GOLIM4: variants seen among roughly 807,000 people sequenced by gnomAD.
The protein encoded by GOLIM4 is golgi integral membrane protein 4.
GOLIM4 carries 71 observed loss-of-function variants against 107.4 expected under a neutral mutation model. That is an observed-to-expected ratio of 0.66 (90% CI 0.55 to 0.81). The LOEUF (loss-of-function observed/expected upper bound fraction) is 0.81. GOLIM4 is among the 30% of genes least tolerant of loss of function. The pLI is 0.00. For synonymous variants in GOLIM4, 327 were observed against 294.8 expected (o/e 1.11, Z -1.12); for missense variants, 830 against 826.1 (o/e 1.00, Z -0.06).
chr3:168,025,601 C>T (rs772349476), intron 12 of GOLIM4, among the ~76,000 whole-genome samples: 19 of 151,940 alleles, frequency 1.3e-4, no homozygotes, highest in Non-Finnish European at 1.6e-4. Context: ...AAAAAGGATA[C>T]GAAAAGGAGA....
At chr3:168,044,734 TA>T in intron 4 of GOLIM4, 93 bp downstream of exon 4, 1 of 725,996 alleles carries the variant, frequency 1.4e-6, no homozygotes, top group Non-Finnish European at 2.3e-6. Flanking sequence ...TCAACTTCTG[TA>T]AACTTTCTTT....
chr3:168,011,687 C>G (rs1157051195), intron 14 of GOLIM4, among the ~76,000 whole-genome samples: 1 of 147,534 alleles, frequency 6.8e-6, no homozygotes, highest in African/African-American at 2.7e-5. Flanking sequence ...CAGCACGCAG[C>G]TGGAGATCTG....
intron 10 of GOLIM4, 59 bp downstream of exon 10, chr3:168,029,721 T>A: frequency 6.3e-7 from 1 of 1,581,024 alleles, no homozygotes; most frequent in East Asian, 2.2e-5. Context: ...CTGTTTTTAA[T>A]TTGCGTATGA....
At position 168,027,730 on chromosome 3, in the gene GOLIM4, C is replaced by A; in HGVS notation, c.1621G>T (p.Asp541Tyr). The A allele has an allele frequency of 6.3e-7, 1 of 1,579,832 alleles. No homozygotes were observed. Among genetic ancestry groups the A allele is most frequent in the Admixed American group, 1.7e-5 (1 of 59,956 alleles). The part of the protein sequence containing the change: ...PREADPESEA[D>Y]RAAVEDINPA... Reference sequence around the variant, plus strand: ...GGGGCAGAAGAGAGGATACTTACATCTGCCTCAGATTCTGGGTCGGCTTCT... The same window carrying A: ...GGGGCAGAAGAGAGGATACTTACATATGCCTCAGATTCTGGGTCGGCTTCT... Residue 541 changes from aspartate (D) to tyrosine (Y), a missense_variant and splice_region_variant, in exon 12 of 16, where the codon GAT becomes TAT. Coordinates refer to ENST00000470487, the MANE Select transcript of GOLIM4 (RefSeq NM_014498.5).
chr3:168,095,317 C>T lies in GOLIM4; in HGVS notation c.-32G>A, dbSNP rs368301600. On this transcript the variant is annotated 5_prime_UTR_variant, in exon 1 of 16. Coordinates refer to ENST00000470487, the MANE Select transcript of GOLIM4 (RefSeq NM_014498.5). ...GCCTGGACCCAAAGCCGCGGCCGCC[C>T]CCGCCGTCTCCTCCCCTTGGTCCGA... The T allele has an allele frequency of 2.0e-5, 31 of 1,588,422 alleles. No homozygotes were observed. The highest frequency in any genetic ancestry group is 9.1e-5 in the East Asian group (4 of 43,768).
At chr3:168,067,447 C>T (rs935407315) in intron 1 of GOLIM4, among the ~76,000 whole-genome samples, 1 of 151,100 alleles carries the variant, frequency 6.6e-6, no homozygotes, top group Non-Finnish European at 1.5e-5. Flanking sequence ...CACACACACA[C>T]ACCACAATAC....
At chr3:168,060,385 C>G (rs1560096880) in intron 1 of GOLIM4, among the ~76,000 whole-genome samples, 1 of 152,126 alleles carries the variant, frequency 6.6e-6, no homozygotes, top group Non-Finnish European at 1.5e-5. Flanking sequence ...GCTGTGGAGG[C>G]CATATAATAT....
At chr3:168,079,874 A>C (rs1295378118) in intron 1 of GOLIM4, among the ~76,000 whole-genome samples, 1 of 152,152 alleles carries the variant, frequency 6.6e-6, no homozygotes, top group Non-Finnish European at 1.5e-5. Flanking sequence ...AACATGCTGA[A>C]ATTGTTTTCT....
At chr3:168,054,410 T>C (rs904538962) in intron 1 of GOLIM4, among the ~76,000 whole-genome samples, 2 of 152,174 alleles carry the variant, frequency 1.3e-5, no homozygotes, top group Non-Finnish European at 1.5e-5. Flanking sequence ...CTGCCTTTCC[T>C]TGAGCCTCAC....
chr3:168,080,629 C>T (rs1306222092), intron 1 of GOLIM4, among the ~76,000 whole-genome samples: 16 of 152,004 alleles, frequency 1.1e-4, no homozygotes, highest in Admixed American at 1.0e-3. Context: ...ATAGGCCAGG[C>T]CATTAACATA....
chr3:168,030,121 G>A, intron 9 of GOLIM4, 85 bp from the exon 10 acceptor site: 1 of 1,342,176 alleles, frequency 7.5e-7, no homozygotes, highest in Non-Finnish European at 1.0e-6. Context: ...ACAAACTCAG[G>A]AGGCAGAGCT....
intron 1 of GOLIM4, among the ~76,000 whole-genome samples, chr3:168,059,965 A>C (rs1720169366): frequency 6.6e-6 from 1 of 152,196 alleles, no homozygotes; most frequent in Non-Finnish European, 1.5e-5. Context: ...AGAAACAGGC[A>C]GTCTAGAGTG....
At chr3:168,041,168 C>G in intron 6 of GOLIM4, 2 of 518,746 alleles carry the variant, frequency 3.9e-6, no homozygotes, top group Non-Finnish European at 6.8e-6. Context: ...ATGTAACTAG[C>G]ATGAGAATAA....
At chr3:168,074,559 TAAGAG>T (rs765469230) in intron 1 of GOLIM4, among the ~76,000 whole-genome samples, 1 of 152,152 alleles carries the variant, frequency 6.6e-6, no homozygotes, top group Non-Finnish European at 1.5e-5. Flanking sequence ...AACAAAGTAG[TAAGAG>T]AAGAGTTAAA....
intron 1 of GOLIM4, among the ~76,000 whole-genome samples, chr3:168,061,289 C>G (rs1427173113): frequency 2.0e-5 from 3 of 152,034 alleles, no homozygotes; most frequent in Admixed American, 6.6e-5. Context: ...ATTCTCCCAT[C>G]AAAACAGCTA....
intron 1 of GOLIM4, among the ~76,000 whole-genome samples, chr3:168,084,169 C>A (rs892949233): frequency 6.6e-6 from 1 of 152,118 alleles, no homozygotes; most frequent in East Asian, 1.9e-4. Flanking sequence ...GGCACCTCCC[C>A]CTTCACCCTC....
chr3:168,095,701 C>A lies in GOLIM4; in HGVS notation c.-416G>T, dbSNP rs553527864. The A allele has an allele frequency of 6.9e-4, 125 of 181,646 alleles. No homozygotes were observed. Among genetic ancestry groups the A allele is most frequent in the African/African-American group, 1.9e-3 (80 of 41,824 alleles). 11.3% of individuals were successfully genotyped at this position (181,646 alleles called of 1,614,324 possible). ...CCCCGCCCTATCGCGGCGGCTCCCA[C>A]TGCACGACTTTGTTGCCACCTAAGG... On this transcript the variant is annotated 5_prime_UTR_variant, in exon 1 of 16. Coordinates refer to ENST00000470487, the MANE Select transcript of GOLIM4 (RefSeq NM_014498.5).
chr3:168,061,027 T>C (rs941116622), intron 1 of GOLIM4, among the ~76,000 whole-genome samples: 1 of 152,068 alleles, frequency 6.6e-6, no homozygotes, highest in African/African-American at 2.4e-5. Context: ...AAAAAAAGTA[T>C]GATGGAGGTT....
chr3:168,059,509 C>G (rs1224884266), intron 1 of GOLIM4, among the ~76,000 whole-genome samples: 3 of 152,134 alleles, frequency 2.0e-5, no homozygotes, highest in Non-Finnish European at 4.4e-5. Flanking sequence ...TACTGCATCC[C>G]AAATATTTCA....
Sources: allele counts gnomAD v4.1 joint callset (sites outside exome capture counted in the v4.1 genomes callset), GRCh38; gene constraint gnomAD v4.1.1; transcripts MANE v1.5; gene names NCBI Gene and HGNC (gene_info 2026-07-23, HGNC 2026-07-21).